BST1: variants seen among roughly 807,000 people sequenced by gnomAD.
BST1 encodes the protein ADP-ribosyl cyclase/cyclic ADP-ribose hydrolase 2.
Under a neutral mutation model 40.6 loss-of-function variants are expected in BST1, and 49 were observed. The ratio of observed to expected loss-of-function variants is 1.21; its 90% CI spans 0.96 to 1.53. The LOEUF is 1.53. Among genes scored for constraint, BST1 ranks in the 40% most tolerant of loss-of-function variants. BST1 has a pLI of 0.00. For synonymous variants in BST1, 157 were observed against 159.3 expected (o/e 0.99, Z 0.11); for missense variants, 423 against 395.9 (o/e 1.07, Z -0.58).
At chr4:15,765,119 G>A in the BST1 span, among the ~76,000 whole-genome samples, 4 of 151,980 alleles carry the variant, frequency 2.6e-5, no homozygotes, top group South Asian at 4.2e-4. Context: ...AGCATGGCAC[G>A]GTGTTTGTCT....
chr4:15,749,759 C>A, the BST1 span, among the ~76,000 whole-genome samples: 6 of 152,088 alleles, frequency 3.9e-5, no homozygotes, highest in African/African-American at 1.4e-4. Flanking sequence ...AACAGGCATG[C>A]AATGTGAAAT....
At chr4:15,704,995 G>A (rs1157929837) in intron 1 of BST1, 1 of 763,988 alleles carries the variant, frequency 1.3e-6, no homozygotes. Context: ...AATGCTATGG[G>A]AAATATTTTT....
intron 1 of BST1, among the ~76,000 whole-genome samples, chr4:15,704,180 G>GAT (rs1169385101): frequency 7.0e-6 from 1 of 143,038 alleles, no homozygotes; most frequent in African/African-American, 2.6e-5. Context: ...AGAGGTGAGG[G>GAT]GTGTGTGTGT....
intron 5 of BST1, 54 bp downstream of exon 5, chr4:15,715,415 ATTGTT>A: frequency 3.2e-6 from 5 of 1,555,494 alleles, no homozygotes; most frequent in Non-Finnish European, 2.7e-6. Context: ...TATTTATTTA[ATTGTT>A]TTAAATAGAG....
chr4:15,715,800 G>T lies in BST1; in HGVS notation c.704+1G>T. 2.6e-6 allele frequency: 4 copies of T among 1,560,654 alleles called. No homozygotes were observed. Among genetic ancestry groups the T allele is most frequent in the Admixed American group, 2.0e-5 (1 of 50,002 alleles). ...TGCATGAAATTGGGGGACCCAATGT[G>T]TAAGTTATGGTGATATTGATGATGA... On this transcript the variant is annotated splice_donor_variant, in intron 6 of 8. Transcript: ENST00000265016. LOFTEE classifies it high-confidence loss of function.
At chr4:15,718,829 AT>A (rs1720651079) in intron 6 of BST1, 77 bp from the exon 7 acceptor site, 4 of 1,264,204 alleles carry the variant, frequency 3.2e-6, no homozygotes, top group African/African-American at 3.0e-5. Flanking sequence ...GTCAAAAGAA[AT>A]TATGTTTAAC....
intron 3 of BST1, among the ~76,000 whole-genome samples, chr4:15,709,239 C>A (rs1051905816): frequency 6.6e-6 from 1 of 152,132 alleles, no homozygotes; most frequent in African/African-American, 2.4e-5. Context: ...GATATTTGAA[C>A]AAGGACCTGA....
At chr4:15,715,666 A>C in intron 5 of BST1, 41 bp from the exon 6 acceptor site, 1 of 1,343,174 alleles carries the variant, frequency 7.4e-7, no homozygotes. Flanking sequence ...GAAATGGAAA[A>C]GATATCATAT....
the BST1 span, among the ~76,000 whole-genome samples, chr4:15,763,687 G>T: frequency 6.6e-6 from 1 of 151,924 alleles, no homozygotes. Flanking sequence ...TTCTTCAGTT[G>T]GTAAATGGAT....
At chr4:15,724,542 C>T (rs1437285101) in intron 8 of BST1, among the ~76,000 whole-genome samples, 1 of 151,932 alleles carries the variant, frequency 6.6e-6, no homozygotes, top group Non-Finnish European at 1.5e-5. Flanking sequence ...AAACATTAGC[C>T]AGGAGTGGTG....
At chr4:15,703,392 G>T in intron 1 of BST1, 60 bp downstream of exon 1, 1 of 1,472,588 alleles carries the variant, frequency 6.8e-7, no homozygotes, top group South Asian at 1.3e-5. Flanking sequence ...GGAGGGCCTG[G>T]GGAGGGGAAA....
rs371427757 is a variant in BST1 at position 15,719,280 on chromosome 4, G to A, written c.791+287G>A. Among the ~76,000 whole-genome samples the A allele has an allele frequency of 3.3e-5, 5 of 152,138 alleles. No homozygotes were observed. In the South Asian group the frequency reaches 8.3e-4, roughly 25 times the overall value. On this transcript the variant is annotated intron_variant, in intron 7 of 8. Transcript: ENST00000265016. ...CTCTCCTCACTGTGCTTACTGTGCA[G>A]CGAGATGCTGGAGTACAGGGACTGA...
At chr4:15,727,149 T>C (rs4616747) in intron 8 of BST1, among the ~76,000 whole-genome samples, 128,234 of 152,136 alleles carry the variant, frequency 0.84, 54,256 homozygotes, top group East Asian at 0.99. Flanking sequence ...TAAGTGATCA[T>C]TTAATGTTAC....
intron 8 of BST1, among the ~76,000 whole-genome samples, chr4:15,723,861 C>T (rs1008684539): frequency 6.6e-6 from 1 of 152,266 alleles, no homozygotes; most frequent in Non-Finnish European, 1.5e-5. Context: ...TATGTATTTT[C>T]TATATCCATA....
At chr4:15,730,660 G>A (rs992000546) in intron 8 of BST1, among the ~76,000 whole-genome samples, 1 of 152,210 alleles carries the variant, frequency 6.6e-6, no homozygotes, top group African/African-American at 2.4e-5. Context: ...GTTGTCTAGA[G>A]AAGCTTTTTG....
intron 8 of BST1, among the ~76,000 whole-genome samples, chr4:15,726,813 C>A (rs12651052): frequency 0.087 from 13,165 of 152,024 alleles, 1,197 homozygotes; most frequent in East Asian, 0.52. Context: ...GGGTTAGCTC[C>A]CCTGCTGCAG....
chr4:15,771,893 T>C, the BST1 span, among the ~76,000 whole-genome samples: 1 of 152,230 alleles, frequency 6.6e-6, no homozygotes, highest in Admixed American at 6.5e-5. Context: ...TCTAAAAGAA[T>C]TGGGTAAGCA....
Position 15,732,076 on chromosome 4 carries a change from T to C in BST1, c.*231T>C. The C allele has an allele frequency of 4.1e-6, 5 of 1,232,524 alleles. No homozygotes were observed. The highest frequency in any genetic ancestry group is 5.1e-6 in the Non-Finnish European group (5 of 986,294). 76.3% of individuals were successfully genotyped at this position (1,232,524 alleles called of 1,614,324 possible). A position where few individuals can be genotyped will look rare whatever the true frequency, so the allele number is the denominator to read the frequency against. ...CTGCATTAGAATTAAAGCAAGTTAT[T>C]TTCTTATTTGTATAATGACACAAAG... On this transcript the variant is annotated 3_prime_UTR_variant, in exon 9 of 9. Transcript: ENST00000265016.
At chr4:15,731,105 T>G in intron 8 of BST1, 1 of 443,214 alleles carries the variant, frequency 2.3e-6, no homozygotes, top group Non-Finnish European at 4.3e-6. Context: ...TCATTGTCTG[T>G]CCTTTTCACG....
Sources: gnomAD v4.1 joint callset for allele counts (sites outside exome capture counted in the v4.1 genomes callset) on GRCh38, gnomAD v4.1.1 for gene constraint, MANE v1.5 for transcripts, NCBI Gene and HGNC (gene_info 2026-07-23, HGNC 2026-07-21) for gene names.